The following EFCAB6 variants were observed in gnomAD, a reference collection of about 807,000 sequenced individuals.
EFCAB6 encodes EF-hand calcium-binding domain-containing protein 6.
EFCAB6 carries 156 observed loss-of-function variants against 169.8 expected under a neutral mutation model. The observed-to-expected ratio is 0.92, with a 90% CI of 0.81 to 1.05. The LOEUF is 1.05. Ranked by LOEUF, EFCAB6 falls within the 50% of genes least tolerant of loss-of-function variation. The probability of loss-of-function intolerance (pLI) is 0.00; values close to 1 mark genes in which losing one functional copy is unlikely to be tolerated. For synonymous variants in EFCAB6, 698 were observed against 676.4 expected, an observed-to-expected ratio of 1.03 and a Z score of -0.50; for missense variants, 1,800 against 1,829.1, an observed-to-expected ratio of 0.98 and a Z score of 0.29.
intron 30 of EFCAB6, among the ~76,000 whole-genome samples, chr22:43,532,310 G>C (rs1172518696): frequency 6.6e-6 from 1 of 152,144 alleles, no homozygotes; most frequent in East Asian, 1.9e-4. Flanking sequence ...TGGGAACTGG[G>C]GTGGCCCCTT....
At chr22:43,683,928 A>G in intron 11 of EFCAB6, 73 bp from the exon 12 acceptor site, 3 of 1,132,510 alleles carry the variant, frequency 2.6e-6, no homozygotes, top group Non-Finnish European at 4.0e-6. Context: ...AATGCAAGAA[A>G]CAAGCACCCT....
intron 2 of EFCAB6, among the ~76,000 whole-genome samples, chr22:43,805,263 G>A (rs542695431): frequency 6.6e-6 from 1 of 152,150 alleles, no homozygotes; most frequent in African/African-American, 2.4e-5. Context: ...TGGATTGAAA[G>A]AATTAATATT....
chr22:43,797,374 G>T (rs2062548817), intron 2 of EFCAB6: 1 of 152,564 alleles, frequency 6.6e-6, no homozygotes, highest in Admixed American at 6.5e-5. Context: ...AGAGCAATGG[G>T]GTTAGCACAG....
intron 2 of EFCAB6, among the ~76,000 whole-genome samples, chr22:43,786,548 C>T (rs1473023672): frequency 1.3e-5 from 2 of 151,540 alleles, no homozygotes; most frequent in Non-Finnish European, 2.9e-5. Flanking sequence ...GGTGAAACCC[C>T]GTCTCTACTA....
At chr22:43,773,415 C>A (rs1450209543) in intron 3 of EFCAB6, among the ~76,000 whole-genome samples, 1 of 152,236 alleles carries the variant, frequency 6.6e-6, no homozygotes, top group Non-Finnish European at 1.5e-5. Flanking sequence ...TAGTCAATAT[C>A]ATTCAAATAA....
At chr22:43,626,399 G>C (rs771038483) in intron 20 of EFCAB6, 48 bp downstream of exon 20, 2 of 1,560,820 alleles carry the variant, frequency 1.3e-6, no homozygotes, top group Non-Finnish European at 1.8e-6. Flanking sequence ...CGTCACAGTG[G>C]CACGGGCCGG....
intron 17 of EFCAB6, among the ~76,000 whole-genome samples, chr22:43,643,098 CT>C (rs1165486439): frequency 6.6e-6 from 1 of 152,172 alleles, no homozygotes; most frequent in African/African-American, 2.4e-5. Flanking sequence ...GGAACGGAAG[CT>C]TCCCAAGGAT....
At chr22:43,725,502 A>G (rs2059696160) in intron 8 of EFCAB6, among the ~76,000 whole-genome samples, 4 of 152,230 alleles carry the variant, frequency 2.6e-5, no homozygotes. Flanking sequence ...TCACAGGGGC[A>G]GAGCCCTCAT....
intron 26 of EFCAB6, 96 bp downstream of exon 26, chr22:43,576,201 A>G: frequency 9.2e-7 from 1 of 1,088,576 alleles, no homozygotes; most frequent in Non-Finnish European, 1.3e-6. Context: ...GGTGATTGCC[A>G]ATTTATCTGA....
chr22:43,690,343 C>CAAAAAAAAAA (rs137802), intron 10 of EFCAB6, among the ~76,000 whole-genome samples: 23 of 95,718 alleles, frequency 2.4e-4, no homozygotes, highest in Admixed American at 4.7e-4. Context: ...ACTAAAAATA[C>CAAAAAAAAAA]AAAAAAAAAA....
rs1369317379 is a variant in EFCAB6 at position 43,590,149 on chromosome 22, A to G, written c.2957T>C (p.Ile986Thr). The G allele has an allele frequency of 6.2e-7, 1 of 1,614,180 alleles. No homozygotes were observed. The highest frequency in any genetic ancestry group is 1.3e-5 in the African/African-American group (1 of 75,056). ...TTCCAGCACTTCCTGCATCTTGCAT[A>G]TGGATATGTAGTTGGTTTTGGATTG... ...TDQSKTNYIS[I>T]CKMQEVLEEC... is the part of the protein sequence containing the mutation. The change falls in exon 24 of 32, where the codon ATA becomes ACA. Residue 986 changes from isoleucine (I) to threonine (T), a missense_variant. By Grantham distance (89) the Ile-to-Thr change is moderately conservative (BLOSUM62 -1). Coordinates refer to ENST00000262726, the MANE Select transcript of EFCAB6 (RefSeq NM_022785.4).
intron 3 of EFCAB6, among the ~76,000 whole-genome samples, chr22:43,774,467 G>A (rs1410397795): frequency 5.3e-5 from 8 of 151,690 alleles, no homozygotes; most frequent in African/African-American, 1.9e-4. Flanking sequence ...GGACTGCGCT[G>A]CCATCGGCGA....
At chr22:43,625,098 T>A (rs1013130581) in intron 20 of EFCAB6, among the ~76,000 whole-genome samples, 4 of 141,198 alleles carry the variant, frequency 2.8e-5, no homozygotes, top group Non-Finnish European at 4.7e-5. Flanking sequence ...TTTATTTTTT[T>A]AATATAGACA....
intron 6 of EFCAB6, among the ~76,000 whole-genome samples, chr22:43,737,074 C>A (rs1020339204): frequency 4.6e-5 from 7 of 152,062 alleles, no homozygotes; most frequent in Admixed American, 4.6e-4. Context: ...CCCCTCTGCC[C>A]TCTCCTACTC....
intron 13 of EFCAB6, among the ~76,000 whole-genome samples, chr22:43,677,483 T>C (rs113232378): frequency 0.083 from 12,679 of 151,986 alleles, 654 homozygotes; most frequent in South Asian, 0.17. Context: ...CTGTCTCTAC[T>C]AAAAACACAA....
chr22:43,557,154 C>A (rs1038486078), intron 26 of EFCAB6, among the ~76,000 whole-genome samples: 1 of 152,122 alleles, frequency 6.6e-6, no homozygotes, highest in African/African-American at 2.4e-5. Flanking sequence ...TAGACTCTGC[C>A]CCTACCCGGC....
At chr22:43,770,621 G>A (rs2061440133) in intron 4 of EFCAB6, among the ~76,000 whole-genome samples, 1 of 152,160 alleles carries the variant, frequency 6.6e-6, no homozygotes, top group Admixed American at 6.5e-5. Context: ...AAGGGATGGG[G>A]CTAACAGCAG....
At chr22:43,784,615 A>ATACATATATATGTG (rs2061983200) in intron 2 of EFCAB6, among the ~76,000 whole-genome samples, 1 of 95,184 alleles carries the variant, frequency 1.1e-5, no homozygotes, top group African/African-American at 4.6e-5. Flanking sequence ...ATATATGTGT[A>ATACATATATATGTG]TATATACACA....
intron 21 of EFCAB6, among the ~76,000 whole-genome samples, chr22:43,609,929 A>G (rs2053188278): frequency 6.6e-6 from 1 of 152,198 alleles, no homozygotes; most frequent in Non-Finnish European, 1.5e-5. Flanking sequence ...TGATGCTCAG[A>G]TCGGCCAGGG....
Sources: allele counts gnomAD v4.1 joint callset (sites outside exome capture counted in the v4.1 genomes callset), GRCh38; gene constraint gnomAD v4.1.1; transcripts MANE v1.5; gene names NCBI Gene and HGNC (gene_info 2026-07-23, HGNC 2026-07-21).